SUZ12: variants seen among roughly 807,000 people sequenced by gnomAD.
SUZ12 encodes the protein SUZ12 polycomb repressive complex 2 subunit.
SUZ12 carries 17 observed loss-of-function variants against 87.3 expected under a neutral mutation model. The ratio of observed to expected loss-of-function variants is 0.19; its 90% confidence interval spans 0.13 to 0.29. The LOEUF is 0.29. SUZ12 is among the 10% of genes least tolerant of loss of function. The pLI, the probability that SUZ12 is intolerant of heterozygous loss-of-function variation, is 1.00. For missense variants in SUZ12, 526 were observed against 912.2 expected, an observed-to-expected ratio of 0.58 and a Z score of 5.45; for synonymous variants, 253 against 312.4, an observed-to-expected ratio of 0.81 and a Z score of 2.01.
chr17:31,980,371 TTGC>T (rs1412704584), intron 8 of SUZ12, among the ~76,000 whole-genome samples: 1 of 150,810 alleles, frequency 6.6e-6, no homozygotes, highest in Non-Finnish European at 1.5e-5. Flanking sequence ...TCCTGTTTTG[TTGC>T]TGCTATTTTT....
chr17:31,945,482 A>C (rs1906584079), intron 3 of SUZ12, among the ~76,000 whole-genome samples: 1 of 152,162 alleles, frequency 6.6e-6, no homozygotes. Flanking sequence ...ATTTTGCTAG[A>C]TTTCGTGTGA....
chr17:31,963,561 G>C (rs964419519), intron 4 of SUZ12, among the ~76,000 whole-genome samples: 5 of 151,634 alleles, frequency 3.3e-5, no homozygotes, highest in Non-Finnish European at 1.5e-5. Flanking sequence ...GCAGTGGTGC[G>C]ATCTTGGTCA....
At chr17:31,962,892 A>G (rs1191128905) in intron 4 of SUZ12, among the ~76,000 whole-genome samples, 5 of 152,272 alleles carry the variant, frequency 3.3e-5, no homozygotes, top group African/African-American at 1.2e-4. Context: ...AATTGAAGCA[A>G]CAAAGAGTAG....
intron 4 of SUZ12, among the ~76,000 whole-genome samples, chr17:31,959,296 A>G (rs1467006645): frequency 6.6e-6 from 1 of 152,236 alleles, no homozygotes; most frequent in Non-Finnish European, 1.5e-5. Context: ...TGAATATTCA[A>G]GAACAAATTG....
chr17:31,998,098 G>A (rs1298917859), intron 15 of SUZ12, among the ~76,000 whole-genome samples: 3 of 65,718 alleles, frequency 4.6e-5, no homozygotes, highest in Non-Finnish European at 9.4e-5. Context: ...TTTTTTTTTT[G>A]AGACGGAGTC....
chr17:31,954,800 G>A (rs1398178383), intron 4 of SUZ12, among the ~76,000 whole-genome samples: 3 of 152,122 alleles, frequency 2.0e-5, no homozygotes, highest in Admixed American at 6.6e-5. Context: ...GAACAAATAG[G>A]TGGTTCTAGT....
intron 9 of SUZ12, among the ~76,000 whole-genome samples, chr17:31,984,504 C>G (rs1426622640): frequency 4.6e-5 from 7 of 152,060 alleles, no homozygotes; most frequent in Non-Finnish European, 8.8e-5. Flanking sequence ...TAAAAATTGT[C>G]GGGTTAAAAT....
At chr17:31,954,712 A>G (rs1567817236) in intron 4 of SUZ12, among the ~76,000 whole-genome samples, 1 of 152,202 alleles carries the variant, frequency 6.6e-6, no homozygotes, top group African/African-American at 2.4e-5. Context: ...GGGAATAATG[A>G]CGATCAGGGA....
At chr17:31,966,294 A>G in intron 5 of SUZ12, 98 bp downstream of exon 5, 3 of 1,000,460 alleles carry the variant, frequency 3.0e-6, no homozygotes, top group Non-Finnish European at 4.5e-6. Context: ...TATAAAATTA[A>G]GTTTAATGGA....
At chr17:31,985,743 A>G (rs563481415) in intron 9 of SUZ12, among the ~76,000 whole-genome samples, 3 of 151,350 alleles carry the variant, frequency 2.0e-5, no homozygotes, top group South Asian at 4.2e-4. Context: ...GCTCACTGCA[A>G]CCTCCGCCTC....
chr17:31,977,461 A>T (rs1000276368), intron 8 of SUZ12, among the ~76,000 whole-genome samples: 1 of 151,928 alleles, frequency 6.6e-6, no homozygotes, highest in African/African-American at 2.4e-5. Context: ...TTGTATTTTC[A>T]GTAGAGACGG....
chr17:31,994,017 T>G lies in SUZ12; in HGVS notation c.1437+9T>G. On this transcript the variant is annotated intron_variant, in intron 12 of 15. Coordinates refer to ENST00000322652, the MANE Select transcript of SUZ12 (RefSeq NM_015355.4). The stretch of plus-strand genomic sequence containing the variant: ...TTATCTTCAACTATGTTGTGAGTAA[T>G]TTTTCATATTTTCTCAATTTGTGTT... 6.2e-7 allele frequency: 1 copy of G among 1,608,174 alleles called. No homozygotes were observed. Among genetic ancestry groups the G allele is most frequent in the South Asian group, 1.1e-5 (1 of 89,730 alleles).
intron 4 of SUZ12, among the ~76,000 whole-genome samples, chr17:31,958,256 G>A (rs933680150): frequency 1.3e-5 from 2 of 151,918 alleles, no homozygotes; most frequent in Admixed American, 6.6e-5. Context: ...GTGTGACCTC[G>A]AACTACTGAG....
At chr17:31,957,687 A>T (rs2142145810) in intron 4 of SUZ12, among the ~76,000 whole-genome samples, 1 of 149,588 alleles carries the variant, frequency 6.7e-6, no homozygotes, top group Non-Finnish European at 1.5e-5. Context: ...CTGGGATTGT[A>T]GCCGTAAGCC....
At chr17:31,962,285 A>G (rs58906476) in intron 4 of SUZ12, among the ~76,000 whole-genome samples, 26,793 of 150,790 alleles carry the variant, frequency 0.18, no homozygotes, top group African/African-American at 0.32. Context: ...GAAAAAAAAA[A>G]TAATTGAATT....
At chr17:31,993,019 AG>A (rs984068441) in intron 10 of SUZ12, among the ~76,000 whole-genome samples, 1 of 152,180 alleles carries the variant, frequency 6.6e-6, no homozygotes, top group African/African-American at 2.4e-5. Flanking sequence ...GTGCTTTTTA[AG>A]GAAAAAAATA....
chr17:31,956,741 T>C (rs917563755), intron 4 of SUZ12, among the ~76,000 whole-genome samples: 2 of 151,958 alleles, frequency 1.3e-5, no homozygotes, highest in Non-Finnish European at 2.9e-5. Context: ...ATTTTCTCTC[T>C]ATATATACGT....
At position 31,972,078 on chromosome 17, in the gene SUZ12, G is replaced by A. The variant is rs1050450240; in HGVS notation, c.506-1068G>A. 5.7e-4 allele frequency among the ~76,000 whole-genome samples: 87 copies of A among 152,092 alleles called. 2 individuals carry two copies. The highest frequency in any genetic ancestry group is 3.9e-4 in the Admixed American group (6 of 15,272). ...GCAGGTGGATCACTTGAGGTCAGGA[G>A]TTCAAGACCAGCCTAGCCAACATGG... On this transcript the variant is annotated intron_variant, in intron 5 of 15. Transcript: ENST00000322652.
At chr17:31,939,545 G>C (rs182519395) in intron 1 of SUZ12, among the ~76,000 whole-genome samples, 4 of 148,274 alleles carry the variant, frequency 2.7e-5, no homozygotes, top group African/African-American at 1.0e-4. Context: ...TTTTTGAGAC[G>C]AAGTTTCGCT....
Sources: allele counts gnomAD v4.1 joint callset (sites outside exome capture counted in the v4.1 genomes callset), GRCh38; gene constraint gnomAD v4.1.1; transcripts MANE v1.5; gene names NCBI Gene and HGNC (gene_info 2026-07-23, HGNC 2026-07-21).